The following CCDC171 variants were observed in gnomAD, a reference collection of about 807,000 sequenced individuals.
CCDC171 encodes coiled-coil domain-containing protein 171.
Under a neutral mutation model 168.2 loss-of-function variants are expected in CCDC171, and 177 were observed. That is an observed-to-expected ratio of 1.05 (90% CI 0.93 to 1.19). The LOEUF is 1.19. Among genes scored for constraint, CCDC171 ranks in the 50% most tolerant of loss-of-function variants. The pLI, the probability that CCDC171 is intolerant of heterozygous loss-of-function variation, is 0.00. For missense variants in CCDC171, 1,991 were observed against 1,539.0 expected, an observed-to-expected ratio of 1.29 and a Z score of -4.91; for synonymous variants, 687 against 540.8, an observed-to-expected ratio of 1.27 and a Z score of -3.75.
At chr9:15,837,644 C>T (rs12682932) in intron 21 of CCDC171, among the ~76,000 whole-genome samples, 6,040 of 152,248 alleles carry the variant, frequency 0.04, 275 homozygotes, top group African/African-American at 0.1. Flanking sequence ...TTTGAATATG[C>T]TTCCAACTGT....
At chr9:15,930,423 G>GA (rs1438935365) in intron 25 of CCDC171, among the ~76,000 whole-genome samples, 1 of 150,900 alleles carries the variant, frequency 6.6e-6, no homozygotes, top group Non-Finnish European at 1.5e-5. Context: ...AGACAACACA[G>GA]AATTATTTGT....
intron 25 of CCDC171, among the ~76,000 whole-genome samples, chr9:15,945,420 G>C (rs1034264667): frequency 4.6e-5 from 7 of 150,880 alleles, no homozygotes; most frequent in Non-Finnish European, 8.9e-5. Context: ...GGGTCAGATG[G>C]TATTTCTAGT....
intron 5 of CCDC171, among the ~76,000 whole-genome samples, chr9:15,592,179 C>T (rs2042051675): frequency 6.7e-6 from 1 of 149,566 alleles, no homozygotes; most frequent in Non-Finnish European, 1.5e-5. Flanking sequence ...AATTACATGA[C>T]AAAGCCAGGT....
intron 9 of CCDC171, among the ~76,000 whole-genome samples, chr9:15,673,606 CAT>C (rs1202297072): frequency 2.0e-5 from 3 of 152,106 alleles, no homozygotes; most frequent in East Asian, 1.9e-4. Context: ...TTGAGATAAT[CAT>C]GTGATTTTTG....
intron 18 of CCDC171, among the ~76,000 whole-genome samples, chr9:15,757,991 A>G (rs2056228875): frequency 6.6e-6 from 1 of 152,178 alleles, no homozygotes; most frequent in South Asian, 2.1e-4. Context: ...TGGGGCTCTT[A>G]TAGAGAACCT....
At chr9:15,789,569 G>A (rs543301269) in intron 21 of CCDC171, among the ~76,000 whole-genome samples, 4 of 152,238 alleles carry the variant, frequency 2.6e-5, no homozygotes, top group South Asian at 4.1e-4. Context: ...TAAGATCAAC[G>A]AAGTAACTGA....
At chr9:15,861,366 TG>T (rs2061551381) in intron 23 of CCDC171, among the ~76,000 whole-genome samples, 1 of 151,914 alleles carries the variant, frequency 6.6e-6, no homozygotes, top group South Asian at 2.1e-4. Flanking sequence ...ATTTTCTGTT[TG>T]TCTTATAGTT....
At chr9:15,988,544 G>T (rs1832076301) in intron 3 of CCDC171, among the ~76,000 whole-genome samples, 1 of 152,132 alleles carries the variant, frequency 6.6e-6, no homozygotes, top group South Asian at 2.1e-4. Context: ...GAGGTACCAG[G>T]TTCATCTCAC....
At chr9:15,948,587 C>A (rs2132419069) in intron 25 of CCDC171, among the ~76,000 whole-genome samples, 1 of 152,178 alleles carries the variant, frequency 6.6e-6, no homozygotes, top group East Asian at 1.9e-4. Context: ...TGATGGTGAG[C>A]ATTTTTTCAT....
chr9:16,046,604 C>G (rs1586858488), intron 1 of CCDC171, among the ~76,000 whole-genome samples: 1 of 152,068 alleles, frequency 6.6e-6, no homozygotes, highest in South Asian at 2.1e-4. Flanking sequence ...ATGGGAGGGA[C>G]CGGGTGGGAG....
chr9:16,090,432 T>C, the CCDC171 span, among the ~76,000 whole-genome samples: 1 of 151,936 alleles, frequency 6.6e-6, no homozygotes, highest in Admixed American at 6.6e-5. Flanking sequence ...GGGGGGCTAG[T>C]GGAGGGACAG....
At chr9:15,879,894 T>C (rs1818389307) in intron 24 of CCDC171, among the ~76,000 whole-genome samples, 1 of 152,168 alleles carries the variant, frequency 6.6e-6, no homozygotes, top group Non-Finnish European at 1.5e-5. Context: ...CATTCTCCAA[T>C]TGCCCCTGAA....
chr9:15,744,247 A>C lies in CCDC171; in HGVS notation c.2050-26A>C. 6 of 1,533,906 alleles carry C rather than the reference A, an allele frequency of 3.9e-6. No homozygotes were observed. The South Asian group carries it at 7.7e-5, about 20-fold the overall frequency. On this transcript the variant is annotated intron_variant, in intron 16 of 25. Coordinates refer to ENST00000380701, the MANE Select transcript of CCDC171 (RefSeq NM_173550.4). ...ATAATGCCTGTTTGTTTCATGATCA[A>C]ATATATTTTTTGACTTCTTCCATAG... is the stretch of plus-strand genomic sequence containing the variant.
At chr9:15,583,995 T>A (rs1036724921) in intron 4 of CCDC171, among the ~76,000 whole-genome samples, 9 of 151,938 alleles carry the variant, frequency 5.9e-5, no homozygotes, top group African/African-American at 2.2e-4. Context: ...GCCTCCCGAG[T>A]GGCTGGGATT....
chr9:15,902,739 C>T (rs147158983), intron 24 of CCDC171, among the ~76,000 whole-genome samples: 176 of 152,306 alleles, frequency 1.2e-3, no homozygotes, highest in African/African-American at 3.4e-3. Context: ...CAAGGCATCA[C>T]CTCACCTGGG....
At chr9:15,949,474 T>A (rs1487718190) in intron 25 of CCDC171, among the ~76,000 whole-genome samples, 1 of 152,230 alleles carries the variant, frequency 6.6e-6, no homozygotes, top group Non-Finnish European at 1.5e-5. Context: ...TTCTTCCATT[T>A]GCTTGTATCC....
intron 18 of CCDC171, among the ~76,000 whole-genome samples, chr9:15,749,272 C>G (rs865877879): frequency 6.6e-6 from 1 of 152,094 alleles, no homozygotes; most frequent in Admixed American, 6.5e-5. Flanking sequence ...GAAGAGCTAA[C>G]TATCCTAAAT....
At chr9:15,594,837 G>T (rs2042228964) in intron 6 of CCDC171, among the ~76,000 whole-genome samples, 1 of 152,064 alleles carries the variant, frequency 6.6e-6, no homozygotes, top group Non-Finnish European at 1.5e-5. Context: ...AAACTAGTGT[G>T]TTGTGTGTTT....
rs1222418213 is a variant in CCDC171 at position 15,819,738 on chromosome 9, A to G, written c.3268-26964A>G. 2.6e-5 allele frequency among the ~76,000 whole-genome samples: 3 copies of G among 116,940 alleles called. 1 individual carries two copies. The highest frequency in any genetic ancestry group is 9.7e-5 in the African/African-American group (3 of 31,044). 76.7% of individuals were successfully genotyped at this position (116,940 alleles called of 152,430 possible). On this transcript the variant is annotated intron_variant, in intron 21 of 25. Coordinates refer to ENST00000380701, the MANE Select transcript of CCDC171 (RefSeq NM_173550.4). ...AGACTTAGACTCCCACACAATAATA[A>G]TGGGAGACTTTAAAACCCCACTGTC...
Sources: gnomAD v4.1 joint callset for allele counts (sites outside exome capture counted in the v4.1 genomes callset) on GRCh38, gnomAD v4.1.1 for gene constraint, MANE v1.5 for transcripts, NCBI Gene and HGNC (gene_info 2026-07-23, HGNC 2026-07-21) for gene names.